The following UGT1A6 variants were observed in gnomAD, a reference collection of about 807,000 sequenced individuals.
The protein encoded by UGT1A6 is UDP-glucuronosyltransferase 1A6.
A neutral mutation model predicts 44.4 loss-of-function variants in UGT1A6; 32 were observed. The observed-to-expected ratio is 0.72, with a 90% CI of 0.54 to 0.97. The LOEUF is 0.97. Ranked by LOEUF, UGT1A6 falls within the 50% of genes least tolerant of loss-of-function variation. The pLI is 0.00. For synonymous variants in UGT1A6, 238 were observed against 248.5 expected (o/e 0.96, Z 0.40); for missense variants, 685 against 661.9 (o/e 1.03, Z -0.38).
intron 1 of UGT1A6, among the ~76,000 whole-genome samples, chr2:233,757,568 A>ATATATATATATATATATATC (rs1696661304): frequency 7.0e-6 from 1 of 142,136 alleles, no homozygotes; most frequent in Non-Finnish European, 1.5e-5. Flanking sequence ...ATATGTATAT[A>ATATATATATATATATATATC]TGATATAGCT....
intron 4 of UGT1A6, 140 bp from the exon 5 acceptor site, chr2:233,772,122 C>T (rs749512514): frequency 2.9e-5 from 45 of 1,536,534 alleles, no homozygotes; most frequent in Non-Finnish European, 3.9e-5. Flanking sequence ...CTAAAAACAA[C>T]AACAACAACA....
intron 1 of UGT1A6, among the ~76,000 whole-genome samples, chr2:233,749,893 C>T (rs141027223): frequency 6.6e-6 from 1 of 151,938 alleles, no homozygotes; most frequent in African/African-American, 2.4e-5. Context: ...GAGGCTCCCC[C>T]CTCCAGCCAC....
intron 1 of UGT1A6, among the ~76,000 whole-genome samples, chr2:233,715,827 T>C (rs1034549084): frequency 6.6e-6 from 1 of 152,092 alleles, no homozygotes; most frequent in African/African-American, 2.4e-5. Flanking sequence ...TTAGAAAACA[T>C]TTTTTTAAAA....
Position 233,727,076 on chromosome 2 carries a change from C to T in UGT1A6, c.861+33211C>T, listed in dbSNP as rs574728878. Among the ~76,000 whole-genome samples the T allele has an allele frequency of 2.4e-4, 36 of 152,290 alleles. No individual in the cohort carries two copies. In the South Asian group the frequency reaches 7.5e-3, roughly 32 times the overall value. ...GAAGATTAGTTTCTGTGTTCTCTTA[C>T]AAACATTAAAGAATTCCAGTTTGTG... On this transcript the variant is annotated intron_variant, in intron 1 of 4. Coordinates refer to ENST00000305139, the MANE Select transcript of UGT1A6 (RefSeq NM_001072.4).
At chr2:233,730,331 T>C (rs1430644008) in intron 1 of UGT1A6, among the ~76,000 whole-genome samples, 1 of 152,142 alleles carries the variant, frequency 6.6e-6, no homozygotes, top group African/African-American at 2.4e-5. Flanking sequence ...GACACTACGT[T>C]TGGAACTGAT....
intron 1 of UGT1A6, among the ~76,000 whole-genome samples, chr2:233,748,278 A>T (rs1303548000): frequency 2.6e-5 from 4 of 151,752 alleles, no homozygotes; most frequent in Non-Finnish European, 5.9e-5. Flanking sequence ...TGAGAGGAAG[A>T]AGAGGCAGAC....
intron 1 of UGT1A6, chr2:233,761,044 G>A: frequency 1.9e-6 from 3 of 1,614,190 alleles, no homozygotes; most frequent in Non-Finnish European, 2.5e-6. Context: ...CTCTGCATCT[G>A]TCTGGCTGTT....
At chr2:233,703,008 A>T (rs1220956352) in intron 1 of UGT1A6, among the ~76,000 whole-genome samples, 1 of 152,230 alleles carries the variant, frequency 6.6e-6, no homozygotes, top group Admixed American at 6.5e-5. Context: ...TTTTGGGAAC[A>T]GTCTGTCAAG....
Position 233,773,005 on chromosome 2 carries a change from C to A in UGT1A6, c.*446C>A. ...GTCAGTCCTCATCTCTGTCGTGCTT[C>A]ATAGGTGCCACCTTGTGTGTTTAAA... On this transcript the variant is annotated 3_prime_UTR_variant, in exon 5 of 5. Transcript: ENST00000305139. 4.6e-6 allele frequency: 1 copy of A among 219,060 alleles called. No individual in the cohort carries two copies. 13.6% of individuals were successfully genotyped at this position (219,060 alleles called of 1,614,324 possible).
chr2:233,743,841 G>A (rs768671945), intron 1 of UGT1A6: 2 of 1,367,168 alleles, frequency 1.5e-6, no homozygotes, highest in Admixed American at 3.8e-5. Flanking sequence ...TTGAGCGCCA[G>A]CTTGCGGTAC....
chr2:233,740,156 C>T (rs578012287), intron 1 of UGT1A6, among the ~76,000 whole-genome samples: 1 of 151,870 alleles, frequency 6.6e-6, no homozygotes, highest in Non-Finnish European at 1.5e-5. Context: ...GAGGCCTCCC[C>T]AGTCATGTGG....
At chr2:233,767,602 A>G (rs1699426979) in intron 2 of UGT1A6, among the ~76,000 whole-genome samples, 1 of 152,192 alleles carries the variant, frequency 6.6e-6, no homozygotes, top group Non-Finnish European at 1.5e-5. Flanking sequence ...AGGAAAGTGA[A>G]AAAATCCTAA....
At chr2:233,763,181 G>A (rs1559409754) in intron 1 of UGT1A6, among the ~76,000 whole-genome samples, 1 of 152,170 alleles carries the variant, frequency 6.6e-6, no homozygotes. Flanking sequence ...CTACATATTT[G>A]TTGTTGCCTT....
In UGT1A6 at chr2:233,698,539, C is replaced by T. The variant is rs1245091014; in HGVS notation, c.861+4674C>T. On this transcript the variant is annotated intron_variant, in intron 1 of 4. Coordinates refer to ENST00000305139, the MANE Select transcript of UGT1A6 (RefSeq NM_001072.4). ...GGCAATACATAAAGTAAACAGAACA[C>T]GAGTGGCCAACAAAACTTTAAGAAC... Among the ~76,000 whole-genome samples the T allele has an allele frequency of 5.3e-5, 8 of 152,144 alleles. No homozygotes were observed. The East Asian group carries it at 9.6e-4, about 18-fold the overall frequency.
intron 1 of UGT1A6, chr2:233,713,996 A>C: frequency 6.4e-7 from 1 of 1,559,392 alleles, no homozygotes; most frequent in Non-Finnish European, 8.7e-7. Flanking sequence ...AATAGTCTTC[A>C]GTGAGATAAA....
At chr2:233,727,536 T>C (rs2077625396) in intron 1 of UGT1A6, among the ~76,000 whole-genome samples, 1 of 152,154 alleles carries the variant, frequency 6.6e-6, no homozygotes, top group East Asian at 1.9e-4. Context: ...ACCAGGCGTG[T>C]TCCACCCGTC....
intron 1 of UGT1A6, among the ~76,000 whole-genome samples, chr2:233,716,830 C>G (rs1426652870): frequency 6.6e-6 from 1 of 152,152 alleles, no homozygotes; most frequent in African/African-American, 2.4e-5. Flanking sequence ...CTCACTGACA[C>G]CCATGGCTTC....
At chr2:233,711,208 C>T (rs748889807) in intron 1 of UGT1A6, among the ~76,000 whole-genome samples, 9 of 152,240 alleles carry the variant, frequency 5.9e-5, no homozygotes, top group Admixed American at 1.3e-4. Context: ...CCTGCTCTCC[C>T]CAGTGCTCCC....
chr2:233,755,076 T>C (rs28900391), intron 1 of UGT1A6: 18,622 of 1,334,942 alleles, frequency 0.014, 367 homozygotes, highest in South Asian at 0.045. Context: ...ATAGCGGTCA[T>C]AGATATCGCG....
Sources: gnomAD v4.1 joint callset for allele counts (sites outside exome capture counted in the v4.1 genomes callset) on GRCh38, gnomAD v4.1.1 for gene constraint, MANE v1.5 for transcripts, NCBI Gene and HGNC (gene_info 2026-07-23, HGNC 2026-07-21) for gene names.